The following HSPG2 variants were observed in gnomAD, a reference collection of about 807,000 sequenced individuals.
The protein encoded by HSPG2 is basement membrane-specific heparan sulfate proteoglycan core protein.
Under a neutral mutation model 526.6 loss-of-function variants are expected in HSPG2, and 278 were observed. The ratio of observed to expected loss-of-function variants is 0.53; its 90% CI spans 0.48 to 0.58. The LOEUF is 0.58. HSPG2 is among the 20% of genes least tolerant of loss of function. The probability of loss-of-function intolerance (pLI) is 0.00; values close to 1 mark genes in which losing one functional copy is unlikely to be tolerated. For synonymous variants in HSPG2, 2,465 were observed against 2,555.4 expected (o/e 0.96, Z 1.07); for missense variants, 5,354 against 6,099.5 (o/e 0.88, Z 4.07).
In HSPG2 at chr1:21,893,237, G is replaced by C. The variant is rs1642493873; in HGVS notation, c.245-2543C>G. ...CCCAGGATTGGCCTGTGCTGGGGTGGACACAAGTGGCCTCTGGAATGCAGG... is the reference window on the plus strand; with the variant it reads ...CCCAGGATTGGCCTGTGCTGGGGTGCACACAAGTGGCCTCTGGAATGCAGG... On this transcript the variant is annotated intron_variant, in intron 3 of 96. Coordinates refer to ENST00000374695, the MANE Select transcript of HSPG2 (RefSeq NM_005529.7). The surrounding 1 kb of genome is among the most constrained non-coding windows in gnomAD (Gnocchi z 4.3). 6.6e-6 allele frequency among the ~76,000 whole-genome samples: 1 copy of C among 152,206 alleles called. No individual in the cohort carries two copies.
chr1:21,856,523 T>C (rs1202950815), intron 44 of HSPG2, among the ~76,000 whole-genome samples: 1 of 144,644 alleles, frequency 6.9e-6, no homozygotes, highest in African/African-American at 2.5e-5. Flanking sequence ...GTTCAAGCGA[T>C]TCTCCTGCCT....
At position 21,854,336 on chromosome 1, in the gene HSPG2, C is replaced by T; in HGVS notation, c.6296G>A (p.Gly2099Asp). 1.9e-6 allele frequency: 3 copies of T among 1,568,712 alleles called. No individual in the cohort carries two copies. Among genetic ancestry groups the T allele is most frequent in the Non-Finnish European group, 2.6e-6 (3 of 1,156,408 alleles). Residue 2099 changes from glycine to aspartate, a missense_variant, in exon 50 of 97, where the codon GGC becomes GAC. Transcript: ENST00000374695. ...GSLPPHTQVH[G>D]SRLRLPQVSP... ...GACCTGGGGGAGCCGCAGACGGGAG[C>T]CGTGCACCTGGGCCAGGAGGAGCCA...
At chr1:21,874,752 G>A in intron 26 of HSPG2, 23 bp from the exon 27 acceptor site, 2 of 1,575,406 alleles carry the variant, frequency 1.3e-6, no homozygotes, top group Non-Finnish European at 1.7e-6. Flanking sequence ...AGATGGCAGT[G>A]GGAGGGACTT....
At chr1:21,833,785 C>A in intron 78 of HSPG2, 31 bp downstream of exon 78, 1 of 1,541,452 alleles carries the variant, frequency 6.5e-7, no homozygotes, top group Non-Finnish European at 8.8e-7. Flanking sequence ...GCCCCCAAGT[C>A]ATGCCCGCTG....
At chr1:21,926,687 G>A (rs1327472180) in intron 1 of HSPG2, among the ~76,000 whole-genome samples, 2 of 145,362 alleles carry the variant, frequency 1.4e-5, no homozygotes, top group South Asian at 2.2e-4. Context: ...TATTGAATCC[G>A]AGAGGCAGAG....
In HSPG2 at chr1:21,926,047, C is replaced by G. The variant is rs965077266; in HGVS notation, c.63+11108G>C. 8.5e-5 allele frequency among the ~76,000 whole-genome samples: 13 copies of G among 152,172 alleles called. No homozygotes were observed. In the South Asian group the frequency reaches 1.0e-3, roughly 12 times the overall value. ...GTTTTACCATGTTGGCCAGGCTGCT[C>G]TCGAACTCCTAGCCTCAAGCAATCT... is the stretch of plus-strand genomic sequence containing the variant. On this transcript the variant is annotated intron_variant, in intron 1 of 96. Transcript: ENST00000374695.
At position 21,857,049 on chromosome 1, in the gene HSPG2, G is replaced by C. The variant is rs1639397832; in HGVS notation, c.5541C>G (p.Ala1847=). ...GTAGAGTGGCTGTGCCCTGGTCCAT[G>C]GCAAACATGTTGGAGCCGGTGCACA... The part of the protein sequence containing the change: ...TYVCTGSNMF[A]MDQGTATLHV... The change falls in exon 44 of 97, where the codon GCC becomes GCG. Residue 1847 remains alanine, a synonymous_variant. Coordinates refer to ENST00000374695, the MANE Select transcript of HSPG2 (RefSeq NM_005529.7). 7 of 1,614,074 alleles carry C rather than the reference G, an allele frequency of 4.3e-6. No individual in the cohort carries two copies. Among genetic ancestry groups the C allele is most frequent in the Non-Finnish European group, 5.9e-6 (7 of 1,180,046 alleles).
chr1:21,878,742 T>G (rs1641284994), intron 18 of HSPG2, 79 bp from the exon 19 acceptor site: 1 of 1,366,582 alleles, frequency 7.3e-7, no homozygotes, highest in African/African-American at 1.4e-5. Flanking sequence ...ATGACTGCTG[T>G]CTACACAGAC....
rs570616096 is a variant in HSPG2, at chr1:21,854,190, C to T, written c.6439+3G>A. On this transcript the variant is annotated splice_donor_region_variant and intron_variant, in intron 50 of 96. Coordinates refer to ENST00000374695, the MANE Select transcript of HSPG2 (RefSeq NM_005529.7). ...CCCGGCCCAGCCACACCTGGCTCCT[C>T]ACCTGGGGTGTAGCTGGGGCCAGAA... 1.3e-6 allele frequency: 2 copies of T among 1,583,668 alleles called. No homozygotes were observed. The highest frequency in any genetic ancestry group is 1.8e-5 in the Admixed American group (1 of 56,828).
rs770563957 is a variant in HSPG2, at chr1:21,828,269, C to G, written c.12395G>C (p.Arg4132Pro). The change falls in exon 89 of 97, where the codon CGA becomes CCA. Residue 4132 changes from arginine (R) to proline (P), a missense_variant. Transcript: ENST00000374695. This position sits in a 1 kb window ranked among gnomAD's most constrained non-coding sequence, Gnocchi z 6.0. The stretch of plus-strand genomic sequence containing the variant: ...GGCTTTCCCACCTTTGAATCCATCT[C>G]GACACAGGCACTGGAACTCATACTC... ...AGEYEFQCLCRDGFKGDLCEH... is the reference protein window; with the variant it reads ...AGEYEFQCLCPDGFKGDLCEH... 1 of 1,613,662 alleles carries G rather than the reference C, an allele frequency of 6.2e-7. No individual in the cohort carries two copies. The highest frequency in any genetic ancestry group is 1.1e-5 in the South Asian group (1 of 91,084).
chr1:21,915,460 T>G (rs1255485470), intron 1 of HSPG2, among the ~76,000 whole-genome samples: 1 of 150,210 alleles, frequency 6.7e-6, no homozygotes, highest in Non-Finnish European at 1.5e-5. Context: ...AGTCATGGAG[T>G]TTTTCACATT....
rs2097964122 is a variant in HSPG2, at chr1:21,824,630, C to CG, written c.12666-16dup. ...CCTCGGGCAGGCTGCGGAGGAAGAG[C>CG]GGGTGAGGGGACAGAAGTCCCAGAT... On this transcript the variant is annotated splice_polypyrimidine_tract_variant and intron_variant, in intron 92 of 96. Transcript: ENST00000374695. The surrounding 1 kb of genome is among the most constrained non-coding windows in gnomAD (Gnocchi z 5.9). The CG allele has an allele frequency of 6.2e-7, 1 of 1,613,948 alleles. No individual in the cohort carries two copies. Among genetic ancestry groups the CG allele is most frequent in the African/African-American group, 1.3e-5 (1 of 75,046 alleles).
chr1:21,884,979 A>T (rs1572358195), intron 11 of HSPG2, 34 bp downstream of exon 11: 1 of 1,613,814 alleles, frequency 6.2e-7, no homozygotes. Flanking sequence ...GCTGCCCCTC[A>T]TTCCCACCCC....
chr1:21,841,898 T>G, intron 69 of HSPG2, 104 bp downstream of exon 69: 1 of 1,503,990 alleles, frequency 6.6e-7, no homozygotes, highest in Admixed American at 1.7e-5. Context: ...GGCCACACCA[T>G]GAATGTGGGG....
At position 21,890,082 on chromosome 1, in the gene HSPG2, C is replaced by G. The variant is rs1285255260; in HGVS notation, c.473G>C (p.Gly158Ala). ...GAGCAGCATCTCCTGAATCTGAGCC[C>G]CATCCGCATTCCCTTCCGAGCCCAC... ...LDVGSEGNAD[G>A]AQIQEMLLRV... The change falls in exon 6 of 97, where the codon GGG becomes GCG. Residue 158 changes from glycine to alanine, a missense_variant. Gly to Ala is a moderately conservative substitution (Grantham distance 60, BLOSUM62 0). Coordinates refer to ENST00000374695, the MANE Select transcript of HSPG2 (RefSeq NM_005529.7). The surrounding 1 kb of genome is among the most constrained non-coding windows in gnomAD (Gnocchi z 4.1). 1.2e-6 allele frequency: 2 copies of G among 1,613,870 alleles called. No homozygotes were observed. The highest frequency in any genetic ancestry group is 2.7e-5 in the African/African-American group (2 of 74,866).
rs1427027477 is a variant in HSPG2 at position 21,904,589 on chromosome 1, G to A, written c.64-8279C>T. On this transcript the variant is annotated intron_variant, in intron 1 of 96. Coordinates refer to ENST00000374695, the MANE Select transcript of HSPG2 (RefSeq NM_005529.7). The surrounding 1 kb of genome is among the most constrained non-coding windows in gnomAD (Gnocchi z 4.4). The stretch of plus-strand genomic sequence containing the variant: ...ACACCCCAAGATTAGGTCTCCCCTG[G>A]TGGCTGAATGAGCTGCCTGCCAGCT... 6.6e-6 allele frequency among the ~76,000 whole-genome samples: 1 copy of A among 152,224 alleles called. No individual in the cohort carries two copies. Among genetic ancestry groups the A allele is most frequent in the Non-Finnish European group, 1.5e-5 (1 of 68,044 alleles).
chr1:21,876,150 C>A (rs1304774497), intron 23 of HSPG2, 79 bp downstream of exon 23: 1 of 1,562,520 alleles, frequency 6.4e-7, no homozygotes, highest in Non-Finnish European at 8.7e-7. Context: ...CAAGGCACCA[C>A]GACCCTCCCG....
chr1:21,828,582 GT>G lies in HSPG2; in HGVS notation c.12238-157del, dbSNP rs1307246005. Among the ~76,000 whole-genome samples, 1 of 152,152 alleles carries G rather than the reference GT, an allele frequency of 6.6e-6. No individual in the cohort carries two copies. Among genetic ancestry groups the G allele is most frequent in the Non-Finnish European group, 1.5e-5 (1 of 68,014 alleles). On this transcript the variant is annotated intron_variant, in intron 88 of 96. Transcript: ENST00000374695. The surrounding 1 kb of genome is among the most constrained non-coding windows in gnomAD (Gnocchi z 6.0). The stretch of plus-strand genomic sequence containing the variant: ...TCGGTGTGGGGAGGGAGGCGCAGGA[GT>G]TGAGTGCCTACTGTGTGCTAGAAAC...
chr1:21,896,178 C>G lies in HSPG2; in HGVS notation c.196G>C (p.Gly66Arg), dbSNP rs1321699592. ...CAGCCTTGGATCCTTGGCTCACCTC[C>G]TGAGATGCTGTCAGCCAGCATGTCC... ...DEDMLADSIS[G>R]DDLGSGDLGS... is the part of the protein sequence containing the mutation. Residue 66 changes from glycine to arginine, a missense_variant, in exon 2 of 97, where the codon GGA becomes CGA. Gly to Arg is a moderately radical substitution (Grantham distance 125). Coordinates refer to ENST00000374695, the MANE Select transcript of HSPG2 (RefSeq NM_005529.7). 2 of 1,613,950 alleles carry G rather than the reference C, an allele frequency of 1.2e-6. No homozygotes were observed.
Sources: gnomAD v4.1 joint callset for allele counts (sites outside exome capture counted in the v4.1 genomes callset) on GRCh38, gnomAD v4.1.1 for gene constraint, Gnocchi (gnomAD v3.1) non-coding constraint, MANE v1.5 for transcripts, NCBI Gene and HGNC (gene_info 2026-07-23, HGNC 2026-07-21) for gene names.